NRXN1: variants seen among roughly 807,000 people sequenced by gnomAD.
The protein encoded by NRXN1 is neurexin 1.
NRXN1 carries 39 observed loss-of-function variants against 150.9 expected under a neutral mutation model. That is an observed-to-expected ratio of 0.26 (90% CI 0.20 to 0.34). NRXN1 has a LOEUF of 0.34. Ranked by LOEUF, NRXN1 falls within the 10% of genes least tolerant of loss-of-function variation. The pLI is 1.00. For missense variants in NRXN1, 1,815 were observed against 1,949.9 expected (o/e 0.93, Z 1.30); for synonymous variants, 924 against 757.0 (o/e 1.22, Z -3.62).
chr2:50,155,120 C>A (rs1428084631), intron 18 of NRXN1, among the ~76,000 whole-genome samples: 1 of 151,500 alleles, frequency 6.6e-6, no homozygotes, highest in Non-Finnish European at 1.5e-5. Flanking sequence ...ATTTTTACTG[C>A]CCCAGTAATG....
intron 5 of NRXN1, among the ~76,000 whole-genome samples, chr2:50,689,665 T>C (rs774683955): frequency 3.3e-5 from 5 of 152,182 alleles, no homozygotes; most frequent in Non-Finnish European, 7.3e-5. Flanking sequence ...GAGGGAGTTC[T>C]TTCCATCTCT....
chr2:50,902,108 C>T (rs931938516), intron 5 of NRXN1, among the ~76,000 whole-genome samples: 4 of 151,980 alleles, frequency 2.6e-5, no homozygotes, highest in Admixed American at 6.6e-5. Flanking sequence ...AAAGCGTAAC[C>T]TCAATTGGCC....
Position 50,620,171 on chromosome 2 carries a change from C to G in NRXN1, c.1171G>C (p.Val391Leu). ...GIGHAMVTISVDGILTTTGYT... is the reference protein window; with the variant it reads ...GIGHAMVTISLDGILTTTGYT... ...CCCGTTGTGGTAAGAATCCCATCCA[C>G]TGATATTGTCACCTAGATAACAAAG... The change falls in exon 8 of 23, where the codon GTG becomes CTG. Residue 391 changes from valine to leucine, a missense_variant. By Grantham distance (32) the Val-to-Leu change is conservative (BLOSUM62 1). This residue lies in a region of NRXN1 where 638 missense variants were observed against 652.6 expected (regional missense o/e 0.98). Coordinates refer to ENST00000401669, the MANE Select transcript of NRXN1 (RefSeq NM_001330078.2). 6.2e-7 allele frequency: 1 copy of G among 1,613,310 alleles called. No homozygotes were observed. Among genetic ancestry groups the G allele is most frequent in the Non-Finnish European group, 8.5e-7 (1 of 1,179,580 alleles).
chr2:50,640,576 CTTTG>C (rs1399689848), intron 5 of NRXN1, among the ~76,000 whole-genome samples: 1 of 152,096 alleles, frequency 6.6e-6, no homozygotes, highest in Admixed American at 6.6e-5. Flanking sequence ...CTCAAGCTTT[CTTTG>C]TAAGGGCCAA....
At chr2:50,360,300 G>A (rs549222498) in intron 17 of NRXN1, among the ~76,000 whole-genome samples, 1 of 152,268 alleles carries the variant, frequency 6.6e-6, no homozygotes, top group African/African-American at 2.4e-5. Flanking sequence ...TGCCCAAATC[G>A]AAAGGCAAGA....
At chr2:50,418,110 A>G (rs991373642) in intron 17 of NRXN1, among the ~76,000 whole-genome samples, 2 of 152,046 alleles carry the variant, frequency 1.3e-5, no homozygotes, top group Admixed American at 1.3e-4. Flanking sequence ...AAATAAAATC[A>G]AAAGGATTTT....
intron 5 of NRXN1, among the ~76,000 whole-genome samples, chr2:50,734,744 T>G (rs1459177577): frequency 8.6e-5 from 13 of 151,646 alleles, no homozygotes; most frequent in Admixed American, 7.9e-4. Context: ...CATATACACA[T>G]AACCCCCCCA....
At chr2:50,133,127 T>A (rs1705798708) in intron 18 of NRXN1, among the ~76,000 whole-genome samples, 2 of 152,310 alleles carry the variant, frequency 1.3e-5, no homozygotes, top group South Asian at 4.1e-4. Context: ...AGGTGTCAGA[T>A]GAAGACAGCA....
chr2:50,621,152 G>C, intron 7 of NRXN1, 74 bp downstream of exon 7: 1 of 1,351,480 alleles, frequency 7.4e-7, no homozygotes, highest in Non-Finnish European at 1.0e-6. Flanking sequence ...TTAAAAGAAA[G>C]AAAGAAAACA....
intron 5 of NRXN1, among the ~76,000 whole-genome samples, chr2:50,710,230 A>G (rs1694984054): frequency 6.6e-6 from 1 of 152,190 alleles, no homozygotes; most frequent in African/African-American, 2.4e-5. Flanking sequence ...TAAACAGATA[A>G]TAAGTATTCC....
intron 17 of NRXN1, among the ~76,000 whole-genome samples, chr2:50,289,163 G>C (rs1366101811): frequency 6.6e-6 from 1 of 152,146 alleles, no homozygotes; most frequent in Non-Finnish European, 1.5e-5. Flanking sequence ...AATGGAGCCA[G>C]TTGCAAAGAA....
In NRXN1 at chr2:50,415,833, A is replaced by T. The variant is rs572348906; in HGVS notation, c.3364+49609T>A. On this transcript the variant is annotated intron_variant, in intron 17 of 22. Coordinates refer to ENST00000401669, the MANE Select transcript of NRXN1 (RefSeq NM_001330078.2). ...ACAATGTGATATGCTAAATTACATT[A>T]AAAAAAAACAGAAAAAAATAGACAA... Among the ~76,000 whole-genome samples the T allele has an allele frequency of 2.9e-4, 41 of 141,074 alleles. 1 individual carries two copies. The highest frequency in any genetic ancestry group is 3.7e-4 in the Non-Finnish European group (25 of 67,130). The allele number at this position is 141,074 out of a possible 152,430, so 92.6% of individuals were successfully genotyped here.
intron 5 of NRXN1, among the ~76,000 whole-genome samples, chr2:50,626,941 T>C (rs1559041440): frequency 2.6e-5 from 4 of 151,942 alleles, no homozygotes; most frequent in South Asian, 4.2e-4. Flanking sequence ...AGAAATGTAA[T>C]TTCATGGAAA....
At chr2:50,718,419 T>C (rs1696154137) in intron 5 of NRXN1, among the ~76,000 whole-genome samples, 2 of 152,166 alleles carry the variant, frequency 1.3e-5, no homozygotes, top group Admixed American at 6.5e-5. Flanking sequence ...ATGAAGCCAT[T>C]CTGTTCTCAA....
intron 21 of NRXN1, among the ~76,000 whole-genome samples, chr2:49,961,970 G>T (rs1676039564): frequency 6.6e-6 from 1 of 152,128 alleles, no homozygotes; most frequent in African/African-American, 2.4e-5. Context: ...GCTGGGTATG[G>T]TGGCACACAC....
chr2:50,204,962 T>C (rs957783326), intron 18 of NRXN1, among the ~76,000 whole-genome samples: 22 of 152,070 alleles, frequency 1.4e-4, no homozygotes, highest in Admixed American at 9.2e-4. Flanking sequence ...GTTAAATTTA[T>C]AAAGTTTAAC....
chr2:49,920,193 T>C lies in NRXN1; in HGVS notation c.*1751A>G, dbSNP rs979619529. ...TAAACTAAAACTATATTTAATGATA[T>C]ATATGTAAAACCAGAAAAGTTAAAA... On this transcript the variant is annotated 3_prime_UTR_variant, in exon 23 of 23. Transcript: ENST00000401669. The C allele has an allele frequency of 1.8e-4, 27 of 152,206 alleles. No individual in the cohort carries two copies. The highest frequency in any genetic ancestry group is 6.5e-4 in the African/African-American group (27 of 41,452). 9.4% of individuals were successfully genotyped at this position (152,206 alleles called of 1,614,324 possible).
In NRXN1 at chr2:50,970,392, C is replaced by T. The variant is rs559802358; in HGVS notation, c.773-44437G>A. 1.7e-3 allele frequency among the ~76,000 whole-genome samples: 257 copies of T among 152,024 alleles called. 1 individual carries two copies. The highest frequency in any genetic ancestry group is 2.9e-3 in the Non-Finnish European group (194 of 68,028). Reference sequence around the variant, plus strand: ...CCAACAGTACCCAAAAGCCCACAACCGTATATTTTGTATTATCAGGACATT... The same window carrying T: ...CCAACAGTACCCAAAAGCCCACAACTGTATATTTTGTATTATCAGGACATT... On this transcript the variant is annotated intron_variant, in intron 2 of 22. Transcript: ENST00000401669.
intron 15 of NRXN1, among the ~76,000 whole-genome samples, chr2:50,483,610 C>T (rs1053779455): frequency 6.6e-6 from 1 of 152,172 alleles, no homozygotes; most frequent in African/African-American, 2.4e-5. Context: ...CCCTACCTGA[C>T]AGATGAACAA....
Sources: allele counts gnomAD v4.1 joint callset (sites outside exome capture counted in the v4.1 genomes callset), GRCh38; gene constraint gnomAD v4.1.1; regional missense constraint gnomAD v4.1.1; transcripts MANE v1.5; gene names NCBI Gene and HGNC (gene_info 2026-07-23, HGNC 2026-07-21).